TUBGCP5: variants seen among roughly 807,000 people sequenced by gnomAD.
TUBGCP5 encodes gamma-tubulin complex component 5.
TUBGCP5 carries 98 observed loss-of-function variants against 134.7 expected under a neutral mutation model. That is an observed-to-expected ratio of 0.73 (90% CI 0.62 to 0.86). The LOEUF is 0.86. Ranked by LOEUF, TUBGCP5 falls within the 40% of genes least tolerant of loss-of-function variation. The pLI, the probability that TUBGCP5 is intolerant of heterozygous loss-of-function variation, is 0.00. For synonymous variants in TUBGCP5, 456 were observed against 431.4 expected (o/e 1.06, Z -0.71); for missense variants, 1,150 against 1,244.8 (o/e 0.92, Z 1.15).
At position 23,031,962 on chromosome 15, in the gene TUBGCP5, G is replaced by A; in HGVS notation, c.474C>T (p.Tyr158=). The stretch of plus-strand genomic sequence containing the variant: ...TACTACCACTTACTGGTGTGTCCAT[G>A]TACGGACCAATGTCCATTTCTTCAT... ...MEDEEMDIGP[Y]MDTPNWSEES... The change falls in exon 5 of 23, where the codon TAC becomes TAT. Residue 158 remains tyrosine (Y), a synonymous_variant. Transcript: ENST00000615383. 6.2e-7 allele frequency: 1 copy of A among 1,611,960 alleles called. No homozygotes were observed. The highest frequency in any genetic ancestry group is 8.5e-7 in the Non-Finnish European group (1 of 1,178,782).
In TUBGCP5 at chr15:23,024,273, A is replaced by ACTT. The variant is rs2065874947; in HGVS notation, c.922-83_922-81dup. ...ATTCATTTCCCTCTCGCTGTAAAAT[A>ACTT]CTTCTTTTGCAATTGTTTTAAACAG... is the stretch of plus-strand genomic sequence containing the variant. On this transcript the variant is annotated intron_variant, in intron 9 of 22. Transcript: ENST00000615383. The ACTT allele has an allele frequency of 3.3e-6, 5 of 1,515,482 alleles. No individual in the cohort carries two copies. In the East Asian group the frequency reaches 1.1e-4, roughly 34 times the overall value. The allele number at this position is 1,515,482 out of a possible 1,614,324, so 93.9% of individuals were successfully genotyped here.
At chr15:23,030,851 T>C (rs781370195) in intron 6 of TUBGCP5, 34 bp downstream of exon 6, 70 of 1,598,672 alleles carry the variant, frequency 4.4e-5, no homozygotes, top group Non-Finnish European at 5.5e-5. Flanking sequence ...AATTTGTCTA[T>C]TAGAAAATGC....
At chr15:23,035,877 G>A (rs1401921274) in intron 3 of TUBGCP5, among the ~76,000 whole-genome samples, 1 of 152,164 alleles carries the variant, frequency 6.6e-6, no homozygotes, top group Non-Finnish European at 1.5e-5. Flanking sequence ...TGTGCTCTAG[G>A]TGTCCGGGAA....
rs201226903 is a variant in TUBGCP5, at chr15:23,030,850, A to G, written c.622+35T>C. On this transcript the variant is annotated intron_variant, in intron 6 of 22. Coordinates refer to ENST00000615383, the MANE Select transcript of TUBGCP5 (RefSeq NM_052903.6). ...GCCTTTCCTTCTAGGGAATTTGTCT[A>G]TTAGAAAATGCGAGCACCTCATAAC... The G allele has an allele frequency of 2.0e-5, 32 of 1,598,694 alleles. No homozygotes were observed. The Admixed American group carries it at 2.0e-4, about 10-fold the overall frequency.
intron 23 of TUBGCP5, among the ~76,000 whole-genome samples, chr15:22,988,483 C>G (rs571758607): frequency 6.5e-4 from 98 of 151,706 alleles, no homozygotes; most frequent in Non-Finnish European, 1.2e-3. Flanking sequence ...CCTGTAATCC[C>G]AGCACTTTGG....
At chr15:23,001,494 C>T (rs1306234024) in intron 21 of TUBGCP5, among the ~76,000 whole-genome samples, 1 of 151,560 alleles carries the variant, frequency 6.6e-6, no homozygotes, top group Non-Finnish European at 1.5e-5. Context: ...CAGGCATGCA[C>T]CACCACGCCT....
chr15:23,017,540 G>A (rs2065405532), intron 13 of TUBGCP5, among the ~76,000 whole-genome samples: 2 of 152,058 alleles, frequency 1.3e-5, no homozygotes, highest in South Asian at 4.2e-4. Context: ...AAATGCATGT[G>A]GAACTTATCG....
At chr15:23,014,535 G>A (rs1466259756) in intron 13 of TUBGCP5, among the ~76,000 whole-genome samples, 1 of 152,170 alleles carries the variant, frequency 6.6e-6, no homozygotes, top group East Asian at 1.9e-4. Flanking sequence ...ACACCCTCAT[G>A]CCAGCCAAGC....
rs574203342 is a variant in TUBGCP5 at position 23,039,524 on chromosome 15, G to A, written c.20C>T (p.Pro7Leu). 9 of 1,489,706 alleles carry A rather than the reference G, an allele frequency of 6.0e-6. No homozygotes were observed. The highest frequency in any genetic ancestry group is 2.8e-5 in the East Asian group (1 of 36,126). The allele number at this position is 1,489,706 out of a possible 1,614,324, so 92.3% of individuals were successfully genotyped here. The part of the protein sequence containing the change: MARHGP[P>L]WSRLDAQQER... ...CTGCTGCGCGTCCAACCGACTCCAC[G>A]GTGGCCCGTGCCGCGCCATGTTCCG... is the stretch of plus-strand genomic sequence containing the variant. Residue 7 changes from proline (P) to leucine (L), a missense_variant, in exon 1 of 23, where the codon CCG (proline) becomes CTG (leucine). This residue lies in a region of TUBGCP5 where 453 missense variants were observed against 394.7 expected (regional missense o/e 1.15). Coordinates refer to ENST00000615383, the MANE Select transcript of TUBGCP5 (RefSeq NM_052903.6).
At chr15:23,024,608 C>T in intron 9 of TUBGCP5, 129 bp downstream of exon 9, 1 of 555,076 alleles carries the variant, frequency 1.8e-6, no homozygotes, top group Admixed American at 3.8e-5. Context: ...TTTAAGTTAG[C>T]TTTTTTTTGC....
In TUBGCP5 at chr15:23,039,458, A is replaced by G; in HGVS notation, c.86T>C (p.Leu29Pro). ...GAAGTTGGGGTCTGCCTCGTCCTGGAGGCCGGCGACACCCCGGACGAGCTC... is the reference window on the plus strand; with the variant it reads ...GAAGTTGGGGTCTGCCTCGTCCTGGGGGCCGGCGACACCCCGGACGAGCTC... ...VRELVRGVAG[L>P]QDEADPNFQL... Residue 29 changes from leucine to proline, a missense_variant, in exon 1 of 23, where the codon CTC becomes CCC. Physicochemically the swap from Leu to Pro is moderately conservative, Grantham distance 98. Coordinates refer to ENST00000615383, the MANE Select transcript of TUBGCP5 (RefSeq NM_052903.6). The G allele has an allele frequency of 6.5e-7, 1 of 1,548,124 alleles. No individual in the cohort carries two copies. The highest frequency in any genetic ancestry group is 8.7e-7 in the Non-Finnish European group (1 of 1,144,796).
intron 18 of TUBGCP5, 42 bp from the exon 19 acceptor site, chr15:23,005,652 A>T: frequency 6.3e-7 from 1 of 1,584,116 alleles, no homozygotes; most frequent in Non-Finnish European, 8.6e-7. Flanking sequence ...AAAGAGCATC[A>T]ACTCAAACCC....
In TUBGCP5 at chr15:23,024,197, C is replaced by T. The variant is rs762077996; in HGVS notation, c.922-4G>A. ...CCAGCACAGATCGTAAACAGCTCTA[C>T]AACACAAGCAAACTGCAATTATTCA... On this transcript the variant is annotated splice_polypyrimidine_tract_variant and splice_region_variant and intron_variant, in intron 9 of 22. Transcript: ENST00000615383. 1 of 1,609,140 alleles carries T rather than the reference C, an allele frequency of 6.2e-7. No individual in the cohort carries two copies. Among genetic ancestry groups the T allele is most frequent in the Non-Finnish European group, 8.5e-7 (1 of 1,176,638 alleles).
intron 12 of TUBGCP5, among the ~76,000 whole-genome samples, chr15:23,018,419 G>C (rs1264089486): frequency 6.6e-6 from 1 of 152,168 alleles, no homozygotes; most frequent in Non-Finnish European, 1.5e-5. Flanking sequence ...ACAATAAAAT[G>C]ATGGTCAATC....
chr15:23,017,613 G>GAGC (rs1414256585), intron 13 of TUBGCP5, among the ~76,000 whole-genome samples, 160 bp downstream of exon 13: 2 of 152,124 alleles, frequency 1.3e-5, no homozygotes, highest in Non-Finnish European at 2.9e-5. Flanking sequence ...AAAAAATCAA[G>GAGC]AGCAGCATGG....
Position 23,003,058 on chromosome 15 carries a change from T to C in TUBGCP5, c.2927+7A>G, listed in dbSNP as rs183207835. The C allele has an allele frequency of 2.0e-5, 33 of 1,613,930 alleles. No homozygotes were observed. The East Asian group carries it at 6.9e-4, about 34-fold the overall frequency. ...CAGTGCAGATGCTGCAGAAATCACA[T>C]ACTTACCGCCAAGTGCCCAGGCCTG... is the stretch of plus-strand genomic sequence containing the variant. On this transcript the variant is annotated splice_region_variant and intron_variant, in intron 21 of 22. Transcript: ENST00000615383.
Position 23,036,894 on chromosome 15 carries a change from T to C in TUBGCP5, c.309+3A>G, listed in dbSNP as rs564232949. 3 of 1,558,512 alleles carry C rather than the reference T, an allele frequency of 1.9e-6. No individual in the cohort carries two copies. Among genetic ancestry groups the C allele is most frequent in the African/African-American group, 1.4e-5 (1 of 73,582 alleles). ...AGTGGAGATCTCATAATTGAAGGCATACCTTTATTTCCTTTATACTGGGAA... is the reference window on the plus strand; with the variant it reads ...AGTGGAGATCTCATAATTGAAGGCACACCTTTATTTCCTTTATACTGGGAA... On this transcript the variant is annotated splice_donor_region_variant and intron_variant, in intron 3 of 22. Transcript: ENST00000615383.
chr15:23,000,315 AC>A, intron 22 of TUBGCP5: 4 of 1,272,638 alleles, frequency 3.1e-6, no homozygotes, highest in Non-Finnish European at 3.9e-6. Flanking sequence ...TCTGCCATCA[AC>A]TTTATTTAAT....
rs1008775894 is a variant in TUBGCP5, at chr15:23,013,972, G to T, written c.1757-2641C>A. On this transcript the variant is annotated intron_variant, in intron 13 of 22. Coordinates refer to ENST00000615383, the MANE Select transcript of TUBGCP5 (RefSeq NM_052903.6). The surrounding 1 kb of genome is among the most constrained non-coding windows in gnomAD (Gnocchi z 4.5). ...CCCAGCTATGTGGAGCCTGGGCCCAGGATCGACTGGTGATTCTGGTCCTGC... is the reference window on the plus strand; with the variant it reads ...CCCAGCTATGTGGAGCCTGGGCCCATGATCGACTGGTGATTCTGGTCCTGC... Among the ~76,000 whole-genome samples, 1 of 152,192 alleles carries T rather than the reference G, an allele frequency of 6.6e-6. No homozygotes were observed. Among genetic ancestry groups the T allele is most frequent in the African/African-American group, 2.4e-5 (1 of 41,450 alleles).
Sources: gnomAD v4.1 joint callset for allele counts (sites outside exome capture counted in the v4.1 genomes callset) on GRCh38, gnomAD v4.1.1 for gene constraint, gnomAD v4.1.1 regional missense constraint, Gnocchi (gnomAD v3.1) non-coding constraint, MANE v1.5 for transcripts, NCBI Gene and HGNC (gene_info 2026-07-23, HGNC 2026-07-21) for gene names.